EPHA3: variants seen among roughly 807,000 people sequenced by gnomAD.
EPHA3 encodes ephrin type-A receptor 3.
In EPHA3, 42 loss-of-function variants were observed where a neutral mutation model predicts 107.1. That is an observed-to-expected ratio of 0.39 (90% CI 0.31 to 0.51). The LOEUF (loss-of-function observed/expected upper bound fraction) is 0.51, where lower values mean the gene tolerates loss of function less well. EPHA3 is among the 20% of genes least tolerant of loss of function. The pLI, the probability that EPHA3 is intolerant of heterozygous loss-of-function variation, is 0.78. For synonymous variants in EPHA3, 461 were observed against 424.8 expected (o/e 1.09, Z -1.05); for missense variants, 1,183 against 1,211.2 (o/e 0.98, Z 0.35).
chr3:89,163,575 A>C (rs1704995550), intron 2 of EPHA3, among the ~76,000 whole-genome samples: 1 of 152,164 alleles, frequency 6.6e-6, no homozygotes. Context: ...CTTAATATCC[A>C]ATGTATACTT....
chr3:89,339,794 T>A (rs1299355055), intron 3 of EPHA3, among the ~76,000 whole-genome samples: 1 of 152,330 alleles, frequency 6.6e-6, no homozygotes, highest in East Asian at 1.9e-4. Flanking sequence ...GGGCCTATTC[T>A]GTATATAAGT....
chr3:89,415,491 T>TATATAA (rs1336536691), intron 10 of EPHA3, among the ~76,000 whole-genome samples: 54 of 146,580 alleles, frequency 3.7e-4, no homozygotes, highest in African/African-American at 1.3e-3. Context: ...TATATATATA[T>TATATAA]AAGCTAATTC....
intron 2 of EPHA3, among the ~76,000 whole-genome samples, chr3:89,139,681 C>CTA (rs1426450824): frequency 6.6e-6 from 1 of 151,664 alleles, no homozygotes; most frequent in Non-Finnish European, 1.5e-5. Context: ...TAGAAATCAT[C>CTA]TAGTGCAATA....
intron 5 of EPHA3, among the ~76,000 whole-genome samples, chr3:89,385,003 C>T (rs1355699510): frequency 6.6e-6 from 1 of 151,902 alleles, no homozygotes; most frequent in African/African-American, 2.4e-5. Flanking sequence ...TCCCAGCAAT[C>T]CAAGGATCAT....
intron 1 of EPHA3, among the ~76,000 whole-genome samples, chr3:89,124,068 G>A (rs779016422): frequency 1.3e-5 from 2 of 152,108 alleles, no homozygotes; most frequent in Admixed American, 6.5e-5. Context: ...TCCAGCAATT[G>A]AAATAAACTA....
At chr3:89,201,331 T>A (rs1289788607) in intron 2 of EPHA3, among the ~76,000 whole-genome samples, 2 of 152,124 alleles carry the variant, frequency 1.3e-5, no homozygotes, top group Non-Finnish European at 2.9e-5. Context: ...GGATTACCAT[T>A]CACCGTGAGA....
chr3:89,326,590 A>G (rs1360476837), intron 3 of EPHA3, among the ~76,000 whole-genome samples: 2 of 151,786 alleles, frequency 1.3e-5, no homozygotes, highest in Non-Finnish European at 2.9e-5. Flanking sequence ...GGGTTTCACC[A>G]TGTTGCCCAG....
chr3:89,212,127 T>C (rs1448305284), intron 3 of EPHA3, among the ~76,000 whole-genome samples: 1 of 151,876 alleles, frequency 6.6e-6, no homozygotes, highest in Non-Finnish European at 1.5e-5. Flanking sequence ...GGTAAGAAAA[T>C]ATGTGTCATA....
chr3:89,325,749 T>C (rs1267367491), intron 3 of EPHA3, among the ~76,000 whole-genome samples: 1 of 152,132 alleles, frequency 6.6e-6, no homozygotes, highest in Non-Finnish European at 1.5e-5. Context: ...TTTTAAAGGT[T>C]AGACACTGTA....
At chr3:89,204,686 A>AAAAAT (rs1242472349) in intron 2 of EPHA3, among the ~76,000 whole-genome samples, 4 of 152,132 alleles carry the variant, frequency 2.6e-5, no homozygotes, top group Non-Finnish European at 5.9e-5. Flanking sequence ...GAATAAATAG[A>AAAAAT]AATATAATGA....
chr3:89,107,969 G>A lies in EPHA3; in HGVS notation c.88+133G>A, dbSNP rs1428852286. ...CAGTTTGCTCTGAGAGTGAAGGAAA[G>A]ATGTGCCTTTTTTTTTTCCAACTGT... On this transcript the variant is annotated intron_variant, in intron 1 of 16. Coordinates refer to ENST00000336596, the MANE Select transcript of EPHA3 (RefSeq NM_005233.6). 1.5e-5 allele frequency: 11 copies of A among 735,694 alleles called. No homozygotes were observed. The Admixed American group carries it at 3.0e-4, about 20-fold the overall frequency. The allele number at this position is 735,694 out of a possible 1,614,324, so 45.6% of individuals were successfully genotyped here.
chr3:89,384,377 C>T (rs1708572416), intron 5 of EPHA3, among the ~76,000 whole-genome samples: 1 of 152,084 alleles, frequency 6.6e-6, no homozygotes, highest in African/African-American at 2.4e-5. Context: ...ACTTGCAAAT[C>T]TAAGCTATAT....
chr3:89,243,407 C>G (rs1370346280), intron 3 of EPHA3, among the ~76,000 whole-genome samples: 7 of 152,158 alleles, frequency 4.6e-5, no homozygotes, highest in Non-Finnish European at 8.8e-5. Context: ...CACATCCTCT[C>G]TAGCACCTGT....
intron 7 of EPHA3, among the ~76,000 whole-genome samples, chr3:89,400,729 T>C (rs1399382011): frequency 6.6e-6 from 1 of 152,004 alleles, no homozygotes; most frequent in Non-Finnish European, 1.5e-5. Flanking sequence ...ATGAGGGTAA[T>C]AAATGTAATG....
intron 3 of EPHA3, among the ~76,000 whole-genome samples, chr3:89,326,926 G>A (rs1707179455): frequency 6.6e-6 from 1 of 152,090 alleles, no homozygotes; most frequent in African/African-American, 2.4e-5. Context: ...AGATATATGT[G>A]TTTGGTTGGA....
Position 89,281,785 on chromosome 3 carries a change from T to C in EPHA3, c.815-59131T>C, listed in dbSNP as rs951499974. On this transcript the variant is annotated intron_variant, in intron 3 of 16. Coordinates refer to ENST00000336596, the MANE Select transcript of EPHA3 (RefSeq NM_005233.6). ...ACAAATCTTGTGTCCCCTGAAACTCTCCAGTGGGAATAGTGAACAGGGAAG... is the reference window on the plus strand; with the variant it reads ...ACAAATCTTGTGTCCCCTGAAACTCCCCAGTGGGAATAGTGAACAGGGAAG... 5.9e-5 allele frequency among the ~76,000 whole-genome samples: 9 copies of C among 152,158 alleles called. 1 individual carries two copies. The highest frequency in any genetic ancestry group is 5.9e-4 in the Admixed American group (9 of 15,272).
chr3:89,393,718 A>T (rs1708790158), intron 5 of EPHA3, among the ~76,000 whole-genome samples: 1 of 152,120 alleles, frequency 6.6e-6, no homozygotes, highest in Non-Finnish European at 1.5e-5. Flanking sequence ...TGGGGCTGAA[A>T]TTTTTTTATT....
intron 5 of EPHA3, among the ~76,000 whole-genome samples, chr3:89,372,100 G>T (rs1474370548): frequency 6.6e-6 from 1 of 151,552 alleles, no homozygotes; most frequent in Non-Finnish European, 1.5e-5. Context: ...TCATCAATCT[G>T]GTCTGAAACA....
chr3:89,132,841 G>T (rs904377900), intron 2 of EPHA3, among the ~76,000 whole-genome samples: 1 of 152,146 alleles, frequency 6.6e-6, no homozygotes, highest in Non-Finnish European at 1.5e-5. Context: ...AGTGGGGTAC[G>T]ACTGAGCCGC....
Sources: allele counts gnomAD v4.1 joint callset (sites outside exome capture counted in the v4.1 genomes callset), GRCh38; gene constraint gnomAD v4.1.1; transcripts MANE v1.5; gene names NCBI Gene and HGNC (gene_info 2026-07-23, HGNC 2026-07-21).